Variants in GAA observed in about 807,000 individuals in gnomAD.
GAA encodes the protein alpha glucosidase.
GAA carries 88 observed loss-of-function variants against 103.9 expected under a neutral mutation model. That is an observed-to-expected ratio of 0.85 (90% CI 0.71 to 1.01). The LOEUF (loss-of-function observed/expected upper bound fraction) is 1.01, where lower values mean the gene tolerates loss of function less well. GAA is among the 50% of genes least tolerant of loss of function. The probability of loss-of-function intolerance (pLI) is 0.00; values close to 1 mark genes in which losing one functional copy is unlikely to be tolerated. For missense variants in GAA, 1,350 were observed against 1,305.3 expected, an observed-to-expected ratio of 1.03 and a Z score of -0.53; for synonymous variants, 572 against 563.1, an observed-to-expected ratio of 1.02 and a Z score of -0.22.
At chr17:80,116,915 C>T in intron 15 of GAA, 53 bp from the exon 16 acceptor site, 1 of 1,607,786 alleles carries the variant, frequency 6.2e-7, no homozygotes, top group South Asian at 1.1e-5. Flanking sequence ...GGCATATGAG[C>T]CAGCCCCATC....
intron 15 of GAA, 46 bp downstream of exon 15, chr17:80,113,412 A>T (rs1598586889): frequency 2.7e-6 from 4 of 1,473,786 alleles, no homozygotes; most frequent in Non-Finnish European, 3.6e-6. Context: ...GCCCTGGGGG[A>T]GGGGCACGTA....
At chr17:80,106,779 G>A (rs2039098329) in intron 3 of GAA, among the ~76,000 whole-genome samples, 1 of 152,152 alleles carries the variant, frequency 6.6e-6, no homozygotes, top group African/African-American at 2.4e-5. Context: ...AAAATTAGCT[G>A]GGAATTGTGG....
At chr17:80,115,717 C>T (rs981474594) in intron 15 of GAA, among the ~76,000 whole-genome samples, 1 of 152,218 alleles carries the variant, frequency 6.6e-6, no homozygotes, top group Non-Finnish European at 1.5e-5. Context: ...CCATCCCCCT[C>T]AGGTCTCGTT....
chr17:80,108,439 G>C (rs555049096), intron 6 of GAA, 30 bp downstream of exon 6: 8 of 1,613,146 alleles, frequency 5.0e-6, no homozygotes, highest in Non-Finnish European at 6.8e-6. Flanking sequence ...CGCGGCCCCC[G>C]CCCCAAGGCT....
At chr17:80,113,170 C>T (rs758096543) in intron 14 of GAA, 48 bp from the exon 15 acceptor site, 17 of 1,552,988 alleles carry the variant, frequency 1.1e-5, no homozygotes, top group Middle Eastern at 1.7e-4. Flanking sequence ...TCCAGGGGAC[C>T]GCGGCCCCAG....
At chr17:80,109,485 A>T (rs1188759978) in intron 8 of GAA, among the ~76,000 whole-genome samples, 1 of 152,202 alleles carries the variant, frequency 6.6e-6, no homozygotes, top group Non-Finnish European at 1.5e-5. Flanking sequence ...AAGATCCAAC[A>T]GTTCCTGCCC....
chr17:80,105,364 T>G lies in GAA; in HGVS notation c.546+232T>G, dbSNP rs117362222. 1.6e-3 allele frequency among the ~76,000 whole-genome samples: 237 copies of G among 152,162 alleles called. 7 individuals carry two copies. In the East Asian group the frequency reaches 0.043, roughly 28 times the overall value. On this transcript the variant is annotated intron_variant, in intron 2 of 19. Transcript: ENST00000302262. ...GGGCTCATTCATCTTTATGAAAAGG[T>G]GGGTCAGGTAGAGTAGGGCTGCCAG...
Position 80,119,293 on chromosome 17 carries a change from C to T in GAA, c.2821C>T (p.Leu941=), listed in dbSNP as rs2039430179. ...CCAGGTCCTGGACATCTGTGTCTCG[C>T]TGTTGATGGGAGAGCAGTTTCTCGT... ...DTKVLDICVS[L]LMGEQFLVSW... is the part of the protein sequence containing the mutation. Residue 941 remains leucine, a synonymous_variant, in exon 20 of 20, where the codon CTG becomes TTG. Coordinates refer to ENST00000302262, the MANE Select transcript of GAA (RefSeq NM_000152.5). The T allele has an allele frequency of 6.2e-7, 1 of 1,614,056 alleles. No homozygotes were observed. The highest frequency in any genetic ancestry group is 8.5e-7 in the Non-Finnish European group (1 of 1,179,944).
chr17:80,110,584 C>A, intron 9 of GAA, 143 bp from the exon 10 acceptor site: 1 of 675,928 alleles, frequency 1.5e-6, no homozygotes, highest in Non-Finnish European at 2.6e-6. Flanking sequence ...CATTGACCTC[C>A]AGGGTGCAGG....
Position 80,116,988 on chromosome 17 carries a change from C to A in GAA, c.2210C>A (p.Thr737Asn), listed in dbSNP as rs1381005435. 6.2e-7 allele frequency: 1 copy of A among 1,613,816 alleles called. No homozygotes were observed. The highest frequency in any genetic ancestry group is 1.3e-5 in the African/African-American group (1 of 75,058). Residue 737 changes from threonine (T) to asparagine (N), a missense_variant, in exon 16 of 20, where the codon ACC becomes AAC. Thr to Asn is a moderately conservative substitution (Grantham distance 65). Coordinates refer to ENST00000302262, the MANE Select transcript of GAA (RefSeq NM_000152.5). ...TGCAGGTTCCCCAAGGACTCTAGCACCTGGACTGTGGACCACCAGCTCCTG... is the reference window on the plus strand; with the variant it reads ...TGCAGGTTCCCCAAGGACTCTAGCAACTGGACTGTGGACCACCAGCTCCTG... Reference protein sequence around the residue: ...LFLEFPKDSSTWTVDHQLLWG... With the variant: ...LFLEFPKDSSNWTVDHQLLWG...
chr17:80,118,815 C>T lies in GAA; in HGVS notation c.2799+10C>T, dbSNP rs1482012226. On this transcript the variant is annotated intron_variant, in intron 19 of 19. Coordinates refer to ENST00000302262, the MANE Select transcript of GAA (RefSeq NM_000152.5). ...CAGCCCCGACACCAAGGCAAGAGGG[C>T]CCAGAGTGGCACAGGGATCGCGTCC... 6.2e-7 allele frequency: 1 copy of T among 1,612,756 alleles called. No individual in the cohort carries two copies. The highest frequency in any genetic ancestry group is 1.7e-5 in the Admixed American group (1 of 60,024).
chr17:80,107,948 G>T (rs1260322973), intron 5 of GAA, 52 bp downstream of exon 5: 2 of 1,524,948 alleles, frequency 1.3e-6, no homozygotes, highest in African/African-American at 1.4e-5. Flanking sequence ...CGTGCTGCCT[G>T]CCCTGGAGAC....
intron 15 of GAA, among the ~76,000 whole-genome samples, chr17:80,115,767 C>T (rs2039342864): frequency 6.6e-6 from 1 of 152,184 alleles, no homozygotes; most frequent in Middle Eastern, 3.2e-3. Flanking sequence ...GAGCTAATTC[C>T]ATAAGGTCTG....
rs888811569 is a variant in GAA at position 80,119,411 on chromosome 17, T to C, written c.*80T>C. 18 of 1,260,944 alleles carry C rather than the reference T, an allele frequency of 1.4e-5. No homozygotes were observed. Among genetic ancestry groups the C allele is most frequent in the Non-Finnish European group, 2.0e-5 (17 of 859,926 alleles). The allele number at this position is 1,260,944 out of a possible 1,614,324, so 78.1% of individuals were successfully genotyped here. ...AGCCTGTGTGCGGGCAGCAGCTGTG[T>C]GCGGGCCTGGGGGTTGCATGTGTCA... On this transcript the variant is annotated 3_prime_UTR_variant, in exon 20 of 20. Coordinates refer to ENST00000302262, the MANE Select transcript of GAA (RefSeq NM_000152.5).
At chr17:80,105,159 G>A (rs748640204) in intron 2 of GAA, 27 bp downstream of exon 2, 27 of 1,588,470 alleles carry the variant, frequency 1.7e-5, no homozygotes, top group East Asian at 2.2e-5. Context: ...CGGGGGCGGC[G>A]GCCAGGGCAG....
chr17:80,107,000 G>T (rs764422369), intron 3 of GAA, among the ~76,000 whole-genome samples: 2 of 152,202 alleles, frequency 1.3e-5, no homozygotes, highest in Non-Finnish European at 2.9e-5. Context: ...GGTGGGTGCG[G>T]TGTGAGCCCG....
chr17:80,118,466 A>G, intron 18 of GAA, 109 bp downstream of exon 18: 1 of 1,460,224 alleles, frequency 6.8e-7, no homozygotes, highest in Non-Finnish European at 9.4e-7. Context: ...CCACTAGGAC[A>G]CTCTAGCAGG....
rs996798292 is a variant in GAA, at chr17:80,108,793, C to CTGCA, written c.1292_1295dup (p.Gln433AlafsTer74). ...GGACTTCCCGGCCATGGTGCAGGAG[C>CTGCA]TGCACCAGGGCGGCCGGCGCTACAT... On this transcript the variant is annotated frameshift_variant, in exon 8 of 20. Transcript: ENST00000302262. LOFTEE classifies it high-confidence loss of function. The CTGCA allele has an allele frequency of 1.2e-6, 2 of 1,606,716 alleles. No individual in the cohort carries two copies. Among genetic ancestry groups the CTGCA allele is most frequent in the African/African-American group, 1.3e-5 (1 of 74,820 alleles).
At chr17:80,114,371 T>C (rs1239809634) in intron 15 of GAA, among the ~76,000 whole-genome samples, 3 of 151,966 alleles carry the variant, frequency 2.0e-5, no homozygotes, top group African/African-American at 7.2e-5. Context: ...AGAAACGCAA[T>C]TTGTGTTTTA....
Sources: gnomAD v4.1 joint callset for allele counts (sites outside exome capture counted in the v4.1 genomes callset) on GRCh38, gnomAD v4.1.1 for gene constraint, MANE v1.5 for transcripts, NCBI Gene and HGNC (gene_info 2026-07-23, HGNC 2026-07-21) for gene names.